Variants in CADM1 observed in about 807,000 individuals in gnomAD.
CADM1 encodes TSLC-1.
CADM1 carries 15 observed loss-of-function variants against 53.1 expected under a neutral mutation model. The observed-to-expected ratio is 0.28, with a 90% CI of 0.19 to 0.44. The LOEUF is 0.44. Among genes scored for constraint, CADM1 ranks in the 20% least tolerant of loss-of-function variants. The pLI, the probability that CADM1 is intolerant of heterozygous loss-of-function variation, is 1.00. For missense variants in CADM1, 434 were observed against 611.3 expected, an observed-to-expected ratio of 0.71 and a Z score of 3.06; for synonymous variants, 281 against 243.0, an observed-to-expected ratio of 1.16 and a Z score of -1.45.
chr11:115,296,818 T>C (rs1398455788), intron 1 of CADM1, among the ~76,000 whole-genome samples: 2 of 152,020 alleles, frequency 1.3e-5, no homozygotes, highest in East Asian at 1.9e-4. Context: ...GTTTCTCTTA[T>C]AATTAATCTA....
chr11:115,243,062 A>G (rs1942296168), intron 1 of CADM1, among the ~76,000 whole-genome samples: 1 of 152,180 alleles, frequency 6.6e-6, no homozygotes, highest in South Asian at 2.1e-4. Flanking sequence ...AAACAGAGTG[A>G]GGTTTTGTTT....
chr11:115,460,157 G>T (rs1000150313), intron 1 of CADM1, among the ~76,000 whole-genome samples: 4 of 151,912 alleles, frequency 2.6e-5, no homozygotes, highest in African/African-American at 9.7e-5. Context: ...GCTATCGTAA[G>T]CTTCTCAGTC....
chr11:115,368,017 C>A (rs1305906969), intron 1 of CADM1, among the ~76,000 whole-genome samples: 1 of 148,100 alleles, frequency 6.8e-6, no homozygotes, highest in African/African-American at 2.5e-5. Context: ...TATTATAGAA[C>A]ATATTTAATT....
intron 1 of CADM1, among the ~76,000 whole-genome samples, chr11:115,371,638 A>ATTT (rs11396249): frequency 3.2e-4 from 44 of 135,410 alleles, no homozygotes; most frequent in African/African-American, 9.8e-4. Flanking sequence ...GTCAGACTGG[A>ATTT]TTTTTTTTTT....
At chr11:115,335,793 T>G (rs1945252468) in intron 1 of CADM1, among the ~76,000 whole-genome samples, 1 of 152,146 alleles carries the variant, frequency 6.6e-6, no homozygotes, top group South Asian at 2.1e-4. Context: ...CATTCATTAG[T>G]ATCACCACCA....
chr11:115,217,022 A>C (rs533017033), intron 6 of CADM1, among the ~76,000 whole-genome samples: 1 of 152,200 alleles, frequency 6.6e-6, no homozygotes, highest in Non-Finnish European at 1.5e-5. Flanking sequence ...GTACCACTAA[A>C]GTTTGAGCGT....
intron 1 of CADM1, among the ~76,000 whole-genome samples, chr11:115,486,327 A>G (rs968874433): frequency 6.6e-6 from 1 of 152,086 alleles, no homozygotes; most frequent in African/African-American, 2.4e-5. Context: ...AGACTCCCCA[A>G]TGACCTCTTG....
At chr11:115,320,595 G>A (rs562227105) in intron 1 of CADM1, among the ~76,000 whole-genome samples, 2 of 151,924 alleles carry the variant, frequency 1.3e-5, no homozygotes, top group South Asian at 4.2e-4. Context: ...GGTTAATAAT[G>A]TTTTATTCCT....
At chr11:115,257,500 T>G (rs1942829103) in intron 1 of CADM1, among the ~76,000 whole-genome samples, 2 of 152,340 alleles carry the variant, frequency 1.3e-5, no homozygotes, top group South Asian at 4.1e-4. Context: ...AACCTTAACC[T>G]TTAGAATGCT....
At chr11:115,438,785 A>C (rs1948241285) in intron 1 of CADM1, among the ~76,000 whole-genome samples, 1 of 152,196 alleles carries the variant, frequency 6.6e-6, no homozygotes, top group East Asian at 1.9e-4. Context: ...CCCAACTGGT[A>C]AGTATCCACC....
chr11:115,227,587 T>C (rs992172313), intron 5 of CADM1, among the ~76,000 whole-genome samples: 7 of 152,230 alleles, frequency 4.6e-5, no homozygotes, highest in African/African-American at 1.7e-4. Flanking sequence ...AGAAATCTAC[T>C]ATCTGCTAAT....
chr11:115,416,332 C>A (rs1281783106), intron 1 of CADM1, among the ~76,000 whole-genome samples: 1 of 152,090 alleles, frequency 6.6e-6, no homozygotes, highest in South Asian at 2.1e-4. Context: ...AAATATGAAA[C>A]AATATATTTC....
rs115139466 is a variant in CADM1 at position 115,270,099 on chromosome 11, G to C, written c.125-29679C>G. Among the ~76,000 whole-genome samples the C allele has an allele frequency of 7.5e-3, 1,135 of 152,296 alleles. 18 individuals carry two copies. The highest frequency in any genetic ancestry group is 0.026 in the African/African-American group (1,096 of 41,564). On this transcript the variant is annotated intron_variant, in intron 1 of 11. Transcript: ENST00000331581. Reference sequence around the variant, plus strand: ...CCCAAAAGGGACATGCATTTAAGTAGCACAGCAGGCCAGTATGACCAAAAT... The same window carrying C: ...CCCAAAAGGGACATGCATTTAAGTACCACAGCAGGCCAGTATGACCAAAAT...
intron 2 of CADM1, 60 bp downstream of exon 2, chr11:115,240,214 T>C (rs1690168431): frequency 1.3e-6 from 2 of 1,556,480 alleles, no homozygotes; most frequent in Admixed American, 1.7e-5. Context: ...GCAATCTCTT[T>C]ATCAAGACAA....
At chr11:115,291,754 T>A (rs977975822) in intron 1 of CADM1, among the ~76,000 whole-genome samples, 9 of 152,220 alleles carry the variant, frequency 5.9e-5, no homozygotes, top group African/African-American at 2.2e-4. Flanking sequence ...GAATATTAAT[T>A]AATACTATCA....
At chr11:115,485,454 C>A (rs1949353139) in intron 1 of CADM1, among the ~76,000 whole-genome samples, 1 of 152,192 alleles carries the variant, frequency 6.6e-6, no homozygotes, top group African/African-American at 2.4e-5. Flanking sequence ...TTGGCTGTGT[C>A]CCCACCCAAA....
intron 1 of CADM1, among the ~76,000 whole-genome samples, chr11:115,421,696 G>GATGA (rs1354842747): frequency 6.6e-6 from 1 of 152,188 alleles, no homozygotes; most frequent in African/African-American, 2.4e-5. Flanking sequence ...GAGAGAAAAA[G>GATGA]CTAATTCTAA....
At chr11:115,386,948 T>A (rs1311145853) in intron 1 of CADM1, among the ~76,000 whole-genome samples, 6 of 152,126 alleles carry the variant, frequency 3.9e-5, no homozygotes, top group Non-Finnish European at 5.9e-5. Context: ...TAAGCTAGCA[T>A]CAAGAAGTAA....
At chr11:115,344,658 C>T (rs1442402503) in intron 1 of CADM1, among the ~76,000 whole-genome samples, 1 of 152,116 alleles carries the variant, frequency 6.6e-6, no homozygotes, top group Non-Finnish European at 1.5e-5. Context: ...AGATGAGGCC[C>T]ATCCCTCATC....
Sources: allele counts gnomAD v4.1 joint callset (sites outside exome capture counted in the v4.1 genomes callset), GRCh38; gene constraint gnomAD v4.1.1; transcripts MANE v1.5; gene names NCBI Gene and HGNC (gene_info 2026-07-23, HGNC 2026-07-21).